Variants in DNM2 observed in about 807,000 individuals in gnomAD.
DNM2 encodes the protein dynamin-2.
A neutral mutation model predicts 99.0 loss-of-function variants in DNM2; 15 were observed. That is an observed-to-expected ratio of 0.15 (90% CI 0.10 to 0.23). The LOEUF is 0.23. Ranked by LOEUF, DNM2 falls within the 10% of genes least tolerant of loss-of-function variation. The pLI is 1.00. For missense variants in DNM2, 742 were observed against 1,189.4 expected (o/e 0.62, Z 5.53); for synonymous variants, 525 against 481.2 (o/e 1.09, Z -1.19).
At position 10,795,966 on chromosome 19, in the gene DNM2, CTTG is replaced by C; in HGVS notation, c.1196+531_1196+533del. The C allele has an allele frequency of 6.3e-7, 1 of 1,595,850 alleles. No individual in the cohort carries two copies. The highest frequency in any genetic ancestry group is 1.1e-5 in the South Asian group (1 of 90,368). On this transcript the variant is annotated intron_variant, in intron 9 of 20. Coordinates refer to ENST00000389253, the MANE Select transcript of DNM2 (RefSeq NM_001005361.3). This position sits in a 1 kb window ranked among gnomAD's most constrained non-coding sequence, Gnocchi z 4.2. Reference sequence around the variant, plus strand: ...CCCACACATGACACAACCTTCATTCCTTGTTGGGGACCCGGCCAGGGCCAATGA... The same window carrying C: ...CCCACACATGACACAACCTTCATTCCTTGGGGACCCGGCCAGGGCCAATGA...
chr19:10,718,233 C>A lies in DNM2; in HGVS notation c.-10C>A, dbSNP rs2068817069. ...AGCGCAGGGCGCTCGGGCCGGGGGC[C>A]GCCGGCGCCATGGGCAACCGCGGGA... On this transcript the variant is annotated 5_prime_UTR_variant, in exon 1 of 21. Coordinates refer to ENST00000389253, the MANE Select transcript of DNM2 (RefSeq NM_001005361.3). 6.8e-7 allele frequency: 1 copy of A among 1,466,518 alleles called. No individual in the cohort carries two copies. The highest frequency in any genetic ancestry group is 1.3e-5 in the South Asian group (1 of 75,910). 90.8% of individuals were successfully genotyped at this position (1,466,518 alleles called of 1,614,324 possible). A position where few individuals can be genotyped will look rare whatever the true frequency, so the allele number is the denominator to read the frequency against.
intron 7 of DNM2, among the ~76,000 whole-genome samples, chr19:10,788,623 C>T (rs1458249917): frequency 6.6e-6 from 1 of 152,168 alleles, no homozygotes; most frequent in Non-Finnish European, 1.5e-5. Context: ...TCCAGCTTGG[C>T]CTCTTAAGAT....
intron 2 of DNM2, among the ~76,000 whole-genome samples, chr19:10,762,306 G>A (rs1399325614): frequency 6.6e-6 from 1 of 152,162 alleles, no homozygotes; most frequent in African/African-American, 2.4e-5. Context: ...CCAAAGTGCT[G>A]GGATTACAGG....
At chr19:10,768,910 G>A (rs2070887155) in intron 2 of DNM2, 2 of 152,372 alleles carry the variant, frequency 1.3e-5, no homozygotes, top group African/African-American at 2.4e-5. Context: ...TCAGATGGTA[G>A]TAAGTGTTAT....
chr19:10,765,295 G>A lies in DNM2; in HGVS notation c.235+5484G>A, dbSNP rs570386825. On this transcript the variant is annotated intron_variant, in intron 2 of 20. Transcript: ENST00000389253. This position sits in a 1 kb window ranked among gnomAD's most constrained non-coding sequence, Gnocchi z 4.4. ...ATGGACTCTCTCTGCGCCAGCACAC[G>A]AGAACAGGCATGCAGATCGGCTCTG... 1.3e-5 allele frequency among the ~76,000 whole-genome samples: 2 copies of A among 152,344 alleles called. No homozygotes were observed. Among genetic ancestry groups the A allele is most frequent in the African/African-American group, 4.8e-5 (2 of 41,584 alleles).
intron 11 of DNM2, among the ~76,000 whole-genome samples, chr19:10,800,924 C>T (rs535369840): frequency 1.3e-5 from 2 of 152,346 alleles, no homozygotes; most frequent in South Asian, 4.1e-4. Flanking sequence ...CGCGCGTGCA[C>T]GTGCACGTGT....
chr19:10,789,091 G>T (rs921487266), intron 7 of DNM2, among the ~76,000 whole-genome samples: 1 of 152,178 alleles, frequency 6.6e-6, no homozygotes, highest in Non-Finnish European at 1.5e-5. Context: ...CTAGCTACTT[G>T]GGAGGCTGAG....
At position 10,822,087 on chromosome 19, in the gene DNM2, C is replaced by T. The variant is rs753298212; in HGVS notation, c.1782-1701C>T. 1.1e-4 allele frequency among the ~76,000 whole-genome samples: 16 copies of T among 152,176 alleles called. No homozygotes were observed. In the East Asian group the frequency reaches 2.1e-3, roughly 20 times the overall value. Reference sequence around the variant, plus strand: ...AGGAAAATGTGCGTGGCATGTGGCACGGGGCCTGGCCTGTAGACCACCATC... The same window carrying T: ...AGGAAAATGTGCGTGGCATGTGGCATGGGGCCTGGCCTGTAGACCACCATC... On this transcript the variant is annotated intron_variant, in intron 16 of 20. Coordinates refer to ENST00000389253, the MANE Select transcript of DNM2 (RefSeq NM_001005361.3).
In DNM2 at chr19:10,818,539, C is replaced by T. The variant is rs1253705623; in HGVS notation, c.1672-1441C>T. On this transcript the variant is annotated intron_variant, in intron 15 of 20. Transcript: ENST00000389253. The surrounding 1 kb of genome is among the most constrained non-coding windows in gnomAD (Gnocchi z 4.3). ...GCATCACCTCAACCATGCTGAGCTC[C>T]TAACGCCCTGAGGCTGAGCCCATGT... Among the ~76,000 whole-genome samples the T allele has an allele frequency of 2.0e-5, 3 of 152,198 alleles. No homozygotes were observed. The highest frequency in any genetic ancestry group is 4.4e-5 in the Non-Finnish European group (3 of 68,036).
chr19:10,806,607 A>G (rs753108963), intron 13 of DNM2, among the ~76,000 whole-genome samples: 15 of 152,080 alleles, frequency 9.9e-5, no homozygotes, highest in Non-Finnish European at 2.1e-4. Flanking sequence ...CCTGGCTAAC[A>G]TGGCAAAAAC....
intron 1 of DNM2, among the ~76,000 whole-genome samples, chr19:10,738,736 G>C (rs1486888702): frequency 6.6e-6 from 1 of 152,038 alleles, no homozygotes; most frequent in Admixed American, 6.6e-5. Context: ...TGGGCGTGGT[G>C]GTGGGTGCCT....
rs61545691 is a variant in DNM2 at position 10,772,054 on chromosome 19, TTTTTATTTTATTTTA to T, written c.236-411_236-397del. Among the ~76,000 whole-genome samples, 10 of 146,584 alleles carry T rather than the reference TTTTTATTTTATTTTA, an allele frequency of 6.8e-5. No homozygotes were observed. Among genetic ancestry groups the T allele is most frequent in the African/African-American group, 2.5e-4 (10 of 39,742 alleles). On this transcript the variant is annotated intron_variant, in intron 2 of 20. Coordinates refer to ENST00000389253, the MANE Select transcript of DNM2 (RefSeq NM_001005361.3). The surrounding 1 kb of genome is among the most constrained non-coding windows in gnomAD (Gnocchi z 4.9). ...GACGATGATTGGGTCATTATTTTCT[TTTTTATTTTATTTTA>T]TTTTATTTTATTTATTTTTTTATTT...
At chr19:10,738,517 C>CTA (rs2069615244) in intron 1 of DNM2, among the ~76,000 whole-genome samples, 1 of 151,758 alleles carries the variant, frequency 6.6e-6, no homozygotes, top group Non-Finnish European at 1.5e-5. Flanking sequence ...TGAGGACTGG[C>CTA]CACAGTTGGA....
In DNM2 at chr19:10,762,818, A is replaced by C. The variant is rs1219606172; in HGVS notation, c.235+3007A>C. On this transcript the variant is annotated intron_variant, in intron 2 of 20. Transcript: ENST00000389253. ...ACCAGATCCTGTGGCTGTTGGTGGA[A>C]AAGGGACCACAGGGGCCAGTGCTGA... Among the ~76,000 whole-genome samples the C allele has an allele frequency of 3.3e-5, 5 of 152,082 alleles. No homozygotes were observed. In the East Asian group the frequency reaches 9.7e-4, roughly 29 times the overall value.
Position 10,786,322 on chromosome 19 carries a change from T to C in DNM2, c.850-242T>C, listed in dbSNP as rs557733238. On this transcript the variant is annotated intron_variant, in intron 6 of 20. Coordinates refer to ENST00000389253, the MANE Select transcript of DNM2 (RefSeq NM_001005361.3). ...CCAAGGCGTGGATAGGCCCAGTGCC[T>C]GATGTCGGCCCCGTGGGCTGTTTGT... 1,569 of 609,868 alleles carry C rather than the reference T, an allele frequency of 2.6e-3. 13 individuals are homozygous for C. Among genetic ancestry groups the C allele is most frequent in the South Asian group, 0.01 (575 of 55,352 alleles). The allele number at this position is 609,868 out of a possible 1,614,324, so 37.8% of individuals were successfully genotyped here. A position where few individuals can be genotyped will look rare whatever the true frequency, so the allele number is the denominator to read the frequency against.
At chr19:10,744,860 G>A (rs1377525598) in intron 1 of DNM2, among the ~76,000 whole-genome samples, 1 of 151,984 alleles carries the variant, frequency 6.6e-6, no homozygotes, top group Admixed American at 6.6e-5. Flanking sequence ...GGATGACACC[G>A]AGGACACCCC....
intron 1 of DNM2, among the ~76,000 whole-genome samples, chr19:10,738,500 G>A (rs2069614436): frequency 6.6e-6 from 1 of 151,878 alleles, no homozygotes; most frequent in Admixed American, 6.6e-5. Flanking sequence ...GCTACAGGAG[G>A]GTGGGATGAG....
chr19:10,796,617 T>C lies in DNM2; in HGVS notation c.1197-763T>C, dbSNP rs2071943564. 6.6e-6 allele frequency among the ~76,000 whole-genome samples: 1 copy of C among 152,136 alleles called. No homozygotes were observed. The highest frequency in any genetic ancestry group is 1.5e-5 in the Non-Finnish European group (1 of 68,010). On this transcript the variant is annotated intron_variant, in intron 9 of 20. Coordinates refer to ENST00000389253, the MANE Select transcript of DNM2 (RefSeq NM_001005361.3). This position sits in a 1 kb window ranked among gnomAD's most constrained non-coding sequence, Gnocchi z 5.6. ...AATGCCCGGCATTCTCAGACTTCCC[T>C]GGAGCCACCGACTTCTCTGTCCCTC... is the stretch of plus-strand genomic sequence containing the variant.
chr19:10,803,583 G>A (rs1322678853), intron 12 of DNM2: 8 of 976,208 alleles, frequency 8.2e-6, no homozygotes, highest in Non-Finnish European at 9.7e-6. Flanking sequence ...AATCTCTCCT[G>A]TTTTTCCTTT....
Sources: allele counts gnomAD v4.1 joint callset (sites outside exome capture counted in the v4.1 genomes callset), GRCh38; gene constraint gnomAD v4.1.1; non-coding constraint Gnocchi (gnomAD v3.1); transcripts MANE v1.5; gene names NCBI Gene and HGNC (gene_info 2026-07-23, HGNC 2026-07-21).